F8: variants seen among roughly 807,000 people sequenced by gnomAD.
F8 encodes antihemophilic factor.
Under a neutral mutation model 140.6 loss-of-function variants are expected in F8, and 12 were observed. The observed-to-expected ratio is 0.09, with a 90% CI of 0.05 to 0.14. F8 has a LOEUF of 0.14. F8 is among the 10% of genes least tolerant of loss of function. The probability of loss-of-function intolerance (pLI) is 1.00; values close to 1 mark genes in which losing one functional copy is unlikely to be tolerated. For missense variants in F8, 1,354 were observed against 1,720.7 expected, an observed-to-expected ratio of 0.79 and a Z score of 3.77; for synonymous variants, 585 against 614.6, an observed-to-expected ratio of 0.95 and a Z score of 0.71.
intron 1 of F8, among the ~76,000 whole-genome samples, chrX:155,017,681 G>C (rs782207835): frequency 2.7e-4 from 30 of 110,740 alleles, no homozygotes; most frequent in Non-Finnish European, 5.5e-4. Flanking sequence ...GCTGGGGTGG[G>C]GTGGGATAGA....
intron 18 of F8, among the ~76,000 whole-genome samples, chrX:154,902,889 G>A (rs1451877059): frequency 2.7e-5 from 3 of 112,006 alleles, no homozygotes; most frequent in African/African-American, 9.7e-5. Flanking sequence ...GGGGAAGCAC[G>A]ATCATCACAA....
At chrX:154,969,630 A>G in intron 6 of F8, 78 bp from the exon 7 acceptor site, 5 of 907,800 alleles carry the variant, frequency 5.5e-6, no homozygotes, top group Non-Finnish European at 8.0e-6. Context: ...GACAGAATGG[A>G]CAAATTGACT....
In F8 at chrX:154,955,289, T is replaced by C. The variant is rs782327027; in HGVS notation, c.1753-1247A>G. Among the ~76,000 whole-genome samples, 4 of 93,215 alleles carry C rather than the reference T, an allele frequency of 4.3e-5. No homozygotes were observed. The South Asian group carries it at 2.6e-3, about 61-fold the overall frequency. 80.9% of individuals were successfully genotyped at this position (93,215 alleles called of 115,157 possible). A position where few individuals can be genotyped will look rare whatever the true frequency, so the allele number is the denominator to read the frequency against. Reference sequence around the variant, plus strand: ...CCTCAGCCTCCTGAGTAGGTGGGACTACAGGCACACACCACCATGCCCAGC... The same window carrying C: ...CCTCAGCCTCCTGAGTAGGTGGGACCACAGGCACACACCACCATGCCCAGC... On this transcript the variant is annotated intron_variant, in intron 11 of 25. Coordinates refer to ENST00000360256, the MANE Select transcript of F8 (RefSeq NM_000132.4).
At chrX:154,921,146 T>C (rs2073127637) in intron 14 of F8, among the ~76,000 whole-genome samples, 1 of 112,407 alleles carries the variant, frequency 8.9e-6, no homozygotes, top group Non-Finnish European at 1.9e-5. Flanking sequence ...TTCAGGATTT[T>C]AAATCTATAT....
chrX:154,944,703 A>G (rs1557280152), intron 13 of F8, among the ~76,000 whole-genome samples: 1 of 111,624 alleles, frequency 9.0e-6, no homozygotes, highest in African/African-American at 3.3e-5. Flanking sequence ...TCATGCTGCT[A>G]TAGAGACACA....
rs2073190704 is a variant in F8 at position 154,930,691 on chromosome X, G to A, written c.3099C>T (p.His1033=). 8.3e-7 allele frequency: 1 copy of A among 1,209,000 alleles called. No homozygotes were observed. Among genetic ancestry groups the A allele is most frequent in the African/African-American group, 1.7e-5 (1 of 57,702 alleles). The change falls in exon 14 of 26, where the codon CAC becomes CAT. Residue 1033 remains histidine, a synonymous_variant. Coordinates refer to ENST00000360256, the MANE Select transcript of F8 (RefSeq NM_000132.4). The part of the protein sequence containing the change: ...SNNSATNRKT[H]IDGPSLLIEN... Reference sequence around the variant, plus strand: ...CAATTAATAATGATGGGCCATCAATGTGAGTCTTTCTATTAGTTGCTGAAT... The same window carrying A: ...CAATTAATAATGATGGGCCATCAATATGAGTCTTTCTATTAGTTGCTGAAT...
chrX:154,946,305 A>C (rs1557280286), intron 13 of F8, among the ~76,000 whole-genome samples: 7 of 112,394 alleles, frequency 6.2e-5, no homozygotes, highest in Non-Finnish European at 1.1e-4. Flanking sequence ...TGGAGGCATG[A>C]CACTACTTGA....
intron 14 of F8, among the ~76,000 whole-genome samples, chrX:154,920,380 G>C (rs2073122777): frequency 9.0e-6 from 1 of 110,834 alleles, no homozygotes. Context: ...AAATTAGCAG[G>C]CTATTTTAAA....
chrX:154,904,547 CTA>C, intron 16 of F8, 23 bp from the exon 17 acceptor site: 4 of 1,149,224 alleles, frequency 3.5e-6, no homozygotes, highest in Non-Finnish European at 4.8e-6. Flanking sequence ...GACATCAATC[CTA>C]TGAGTATAAG....
In F8 at chrX:154,888,409, C is replaced by CTTTTT. The variant is rs1569559435; in HGVS notation, c.6429+7667_6429+7668insAAAAA. Among the ~76,000 whole-genome samples, 25 of 5,672 alleles carry CTTTTT rather than the reference C, an allele frequency of 4.4e-3. 5 individuals are homozygous for CTTTTT. The highest frequency in any genetic ancestry group is 0.024 in the African/African-American group (22 of 916). The allele number at this position is 5,672 out of a possible 115,157, so 4.9% of individuals were successfully genotyped here. A position where few individuals can be genotyped will look rare whatever the true frequency, so the allele number is the denominator to read the frequency against. On this transcript the variant is annotated intron_variant, in intron 22 of 25. Coordinates refer to ENST00000360256, the MANE Select transcript of F8 (RefSeq NM_000132.4). Reference sequence around the variant, plus strand: ...TTTTTTTTTTTTTTTTTTTTTTTCCCCCCGAGATGGAGTCTCACTCTGTCG... The same window carrying CTTTTT: ...TTTTTTTTTTTTTTTTTTTTTTTCCCTTTTTCCCGAGATGGAGTCTCACTCTGTCG...
intron 7 of F8, among the ~76,000 whole-genome samples, chrX:154,968,488 G>C (rs980184215): frequency 1.8e-5 from 2 of 111,993 alleles, no homozygotes; most frequent in Non-Finnish European, 3.8e-5. Context: ...GAGAGGGGTA[G>C]AGAAAGAGGG....
intron 25 of F8, among the ~76,000 whole-genome samples, chrX:154,857,325 A>G (rs1299406324): frequency 8.9e-6 from 1 of 111,831 alleles, no homozygotes; most frequent in African/African-American, 3.3e-5. Context: ...ATACATGATC[A>G]TGTCTGAGCA....
chrX:154,936,025 A>C (rs868965866), intron 13 of F8, among the ~76,000 whole-genome samples: 27 of 95,418 alleles, frequency 2.8e-4, no homozygotes, highest in East Asian at 6.0e-4. Flanking sequence ...CACACACACA[A>C]AAATCAAAGT....
intron 14 of F8, among the ~76,000 whole-genome samples, chrX:154,915,717 G>A (rs1242128779): frequency 8.9e-6 from 1 of 112,011 alleles, no homozygotes; most frequent in East Asian, 2.8e-4. Context: ...ACAGTTTTTT[G>A]GTGGAGTGTT....
chrX:154,903,367 T>TG (rs1263618432), intron 18 of F8, among the ~76,000 whole-genome samples: 2 of 111,240 alleles, frequency 1.8e-5, no homozygotes, highest in Non-Finnish European at 3.8e-5. Context: ...TTTGTAGAGA[T>TG]GGGGGTCTTG....
Position 154,947,924 on chromosome X carries a change from G to A in F8, c.1904-17C>T. 4 of 1,161,464 alleles carry A rather than the reference G, an allele frequency of 3.4e-6. No individual in the cohort carries two copies. Among genetic ancestry groups the A allele is most frequent in the Non-Finnish European group, 4.7e-6 (4 of 850,003 alleles). On this transcript the variant is annotated splice_polypyrimidine_tract_variant and intron_variant, in intron 12 of 25. Coordinates refer to ENST00000360256, the MANE Select transcript of F8 (RefSeq NM_000132.4). Reference sequence around the variant, plus strand: ...CATTGATGCCTGCAAAAACAATGGGGAAAAGAGATTTAGACACATCACAGA... The same window carrying A: ...CATTGATGCCTGCAAAAACAATGGGAAAAAGAGATTTAGACACATCACAGA...
chrX:154,904,701 C>T, intron 16 of F8, 110 bp downstream of exon 16: 1 of 743,459 alleles, frequency 1.3e-6, no homozygotes, highest in Non-Finnish European at 2.1e-6. Flanking sequence ...ATGATCAACT[C>T]TCCTATTTAA....
chrX:154,936,024 A>ACACACAC (rs1557279211), intron 13 of F8, among the ~76,000 whole-genome samples: 1 of 108,336 alleles, frequency 9.2e-6, no homozygotes, highest in Non-Finnish European at 1.9e-5. Flanking sequence ...ACACACACAC[A>ACACACAC]AAAATCAAAG....
chrX:154,917,042 G>A (rs1557277165), intron 14 of F8, among the ~76,000 whole-genome samples: 2 of 111,304 alleles, frequency 1.8e-5, no homozygotes, highest in Non-Finnish European at 3.8e-5. Context: ...CTTATTGGTT[G>A]TTCAGGAGCA....
Sources: allele counts gnomAD v4.1 joint callset (sites outside exome capture counted in the v4.1 genomes callset), GRCh38; gene constraint gnomAD v4.1.1; transcripts MANE v1.5; gene names NCBI Gene and HGNC (gene_info 2026-07-23, HGNC 2026-07-21).